Variants in GGH observed in about 807,000 individuals in gnomAD.
GGH encodes gamma-glutamyl hydrolase.
GGH carries 18 observed loss-of-function variants against 39.2 expected under a neutral mutation model. That is an observed-to-expected ratio of 0.46 (90% CI 0.32 to 0.68). The LOEUF is 0.68. Among genes scored for constraint, GGH ranks in the 30% least tolerant of loss-of-function variants. The pLI, the probability that GGH is intolerant of heterozygous loss-of-function variation, is 0.04. For synonymous variants in GGH, 147 were observed against 138.8 expected, an observed-to-expected ratio of 1.06 and a Z score of -0.42; for missense variants, 367 against 384.1, an observed-to-expected ratio of 0.96 and a Z score of 0.37.
At chr8:63,026,952 CAA>C in intron 4 of GGH, 1 of 519,278 alleles carries the variant, frequency 1.9e-6, no homozygotes, top group Non-Finnish European at 3.4e-6. Flanking sequence ...TAACAAGCAT[CAA>C]GAGAGGGGCA....
chr8:63,027,988 C>A (rs1804728632), intron 3 of GGH, among the ~76,000 whole-genome samples: 1 of 151,818 alleles, frequency 6.6e-6, no homozygotes, highest in Admixed American at 6.6e-5. Context: ...CTTGAAAGAA[C>A]CAAGGATATT....
At chr8:63,030,602 C>A (rs560847818) in intron 2 of GGH, among the ~76,000 whole-genome samples, 15 of 152,230 alleles carry the variant, frequency 9.9e-5, no homozygotes, top group Admixed American at 7.9e-4. Flanking sequence ...CTTTATTTAT[C>A]ATGCCTATTT....
chr8:63,026,167 A>G lies in GGH; in HGVS notation c.490T>C (p.Phe164Leu). ...DTVDVAMPLNFTGGQLHSRMF... is the reference protein window; with the variant it reads ...DTVDVAMPLNLTGGQLHSRMF... Reference sequence around the variant, plus strand: ...AAAAGAGTACTCTTACCTCCAGTGAAGTTCAGCGGCATTGCCACGTCAACA... The same window carrying G: ...AAAAGAGTACTCTTACCTCCAGTGAGGTTCAGCGGCATTGCCACGTCAACA... Residue 164 changes from phenylalanine (F) to leucine (L), a missense_variant, in exon 5 of 9, where the codon TTC becomes CTC. Coordinates refer to ENST00000260118, the MANE Select transcript of GGH (RefSeq NM_003878.3). 1 of 1,597,436 alleles carries G rather than the reference A, an allele frequency of 6.3e-7. No individual in the cohort carries two copies. The highest frequency in any genetic ancestry group is 8.5e-7 in the Non-Finnish European group (1 of 1,174,642).
intron 7 of GGH, among the ~76,000 whole-genome samples, chr8:63,018,360 T>C (rs191163425): frequency 2.0e-5 from 3 of 151,206 alleles, no homozygotes; most frequent in Middle Eastern, 3.4e-3. Context: ...CCTTTCCTCA[T>C]TTTGATTTAA....
At chr8:63,030,494 C>A (rs1448133267) in intron 2 of GGH, among the ~76,000 whole-genome samples, 1 of 151,930 alleles carries the variant, frequency 6.6e-6, no homozygotes, top group African/African-American at 2.4e-5. Context: ...CAGTAAAGAC[C>A]GTGAGATTTG....
At chr8:63,036,535 C>T (rs538097872) in intron 1 of GGH, among the ~76,000 whole-genome samples, 4 of 152,216 alleles carry the variant, frequency 2.6e-5, no homozygotes, top group South Asian at 2.1e-4. Flanking sequence ...GATGGCTGGT[C>T]GTAAGCACTA....
chr8:63,035,522 T>A, intron 2 of GGH, 134 bp downstream of exon 2: 2 of 1,297,054 alleles, frequency 1.5e-6, no homozygotes, highest in South Asian at 1.8e-5. Flanking sequence ...GCCTGGCTGG[T>A]CTCGAACTCC....
intron 8 of GGH, chr8:63,017,188 C>CA (rs1352347361): frequency 8.0e-6 from 2 of 249,126 alleles, no homozygotes; most frequent in Non-Finnish European, 1.5e-5. Flanking sequence ...AAGATCCTGT[C>CA]AAAAAACAAA....
chr8:63,031,052 G>A (rs1804793999), intron 2 of GGH, among the ~76,000 whole-genome samples: 1 of 152,232 alleles, frequency 6.6e-6, no homozygotes, highest in East Asian at 1.9e-4. Flanking sequence ...TTCTGTTTCT[G>A]TGACAGAATA....
At chr8:63,038,630 G>T (rs1435318705) in intron 1 of GGH, 30 bp downstream of exon 1, 2 of 905,416 alleles carry the variant, frequency 2.2e-6, no homozygotes, top group African/African-American at 1.8e-5. Context: ...GCTCCTCCCC[G>T]TCTGCTGCGG....
intron 7 of GGH, among the ~76,000 whole-genome samples, chr8:63,018,476 C>T (rs1282965837): frequency 1.3e-5 from 2 of 152,208 alleles, no homozygotes; most frequent in Non-Finnish European, 2.9e-5. Context: ...GAAGAGATAT[C>T]TAGGGGTAAG....
At chr8:63,030,958 G>A (rs560470593) in intron 2 of GGH, among the ~76,000 whole-genome samples, 4 of 152,234 alleles carry the variant, frequency 2.6e-5, no homozygotes, top group East Asian at 1.9e-4. Context: ...CTGCTCTCCC[G>A]AAAGTTCAAT....
intron 4 of GGH, among the ~76,000 whole-genome samples, 200 bp from the exon 5 acceptor site, chr8:63,026,496 C>A (rs779227411): frequency 3.9e-5 from 6 of 152,164 alleles, no homozygotes; most frequent in Non-Finnish European, 4.4e-5. Context: ...GAGCTGTGGA[C>A]ACACTGTATA....
intron 7 of GGH, chr8:63,017,983 T>C (rs532249896): frequency 1.4e-4 from 26 of 181,676 alleles, no homozygotes; most frequent in Admixed American, 1.2e-3. Flanking sequence ...TCCCGTCTTG[T>C]AGCATGCTTT....
At chr8:63,035,449 G>A (rs1344551342) in intron 2 of GGH, among the ~76,000 whole-genome samples, 1 of 152,020 alleles carries the variant, frequency 6.6e-6, no homozygotes, top group Non-Finnish European at 1.5e-5. Flanking sequence ...GGGATTACAG[G>A]AGTGCACTAC....
chr8:63,024,151 T>C lies in GGH; in HGVS notation c.535A>G (p.Thr179Ala), dbSNP rs986960195. ...ACTGCTAATGACAGCAACAACTCAG[T>C]AGGAAAATTCTGGAACATTCTGCTG... is the stretch of plus-strand genomic sequence containing the variant. ...LHSRMFQNFPTELLLSLAVEP... is the reference protein window; with the variant it reads ...LHSRMFQNFPAELLLSLAVEP... The change falls in exon 6 of 9, where the codon ACT becomes GCT. Residue 179 changes from threonine (T) to alanine (A), a missense_variant. Thr to Ala is a moderately conservative substitution (Grantham distance 58, BLOSUM62 0). Transcript: ENST00000260118. 8 of 1,609,960 alleles carry C rather than the reference T, an allele frequency of 5.0e-6. No individual in the cohort carries two copies. Among genetic ancestry groups the C allele is most frequent in the South Asian group, 1.1e-5 (1 of 90,922 alleles).
Position 63,021,954 on chromosome 8 carries a change from G to A in GGH, c.697+1953C>T, listed in dbSNP as rs143009301. On this transcript the variant is annotated intron_variant, in intron 7 of 8. Coordinates refer to ENST00000260118, the MANE Select transcript of GGH (RefSeq NM_003878.3). Reference sequence around the variant, plus strand: ...CTCTGAAAGTGCTGGGATTACAGGCGTGAGCCACCATGCCCAGACCTCATA... The same window carrying A: ...CTCTGAAAGTGCTGGGATTACAGGCATGAGCCACCATGCCCAGACCTCATA... Among the ~76,000 whole-genome samples, 235 of 152,206 alleles carry A rather than the reference G, an allele frequency of 1.5e-3. 2 individuals carry two copies. The highest frequency in any genetic ancestry group is 1.3e-4 in the Admixed American group (2 of 15,292).
At chr8:63,027,492 T>A (rs991509583) in intron 3 of GGH, among the ~76,000 whole-genome samples, 11 of 152,254 alleles carry the variant, frequency 7.2e-5, no homozygotes, top group African/African-American at 2.6e-4. Flanking sequence ...TCCAAAAACT[T>A]CTTCAAAAAA....
intron 2 of GGH, among the ~76,000 whole-genome samples, chr8:63,033,238 A>T (rs907001125): frequency 5.3e-5 from 8 of 152,236 alleles, no homozygotes; most frequent in Non-Finnish European, 1.0e-4. Flanking sequence ...CTGACACATC[A>T]TAATTGCCCA....
Sources: allele counts gnomAD v4.1 joint callset (sites outside exome capture counted in the v4.1 genomes callset), GRCh38; gene constraint gnomAD v4.1.1; transcripts MANE v1.5; gene names NCBI Gene and HGNC (gene_info 2026-07-23, HGNC 2026-07-21).